The following SPATS2 variants were observed in gnomAD, a reference collection of about 807,000 sequenced individuals.
SPATS2 encodes spermatogenesis associated serine rich 2.
SPATS2 carries 38 observed loss-of-function variants against 63.7 expected under a neutral mutation model. That is an observed-to-expected ratio of 0.60 (90% CI 0.46 to 0.78). SPATS2 has a LOEUF of 0.78. Ranked by LOEUF, SPATS2 falls within the 30% of genes least tolerant of loss-of-function variation. The pLI, the probability that SPATS2 is intolerant of heterozygous loss-of-function variation, is 0.00. For missense variants in SPATS2, 588 were observed against 666.2 expected (o/e 0.88, Z 1.29); for synonymous variants, 207 against 232.9 (o/e 0.89, Z 1.01).
intron 3 of SPATS2, among the ~76,000 whole-genome samples, chr12:49,469,910 A>C (rs117110716): frequency 6.6e-6 from 1 of 152,072 alleles, no homozygotes; most frequent in African/African-American, 2.4e-5. Context: ...AGGAAAAAAC[A>C]TGCAACTCAA....
intron 2 of SPATS2, among the ~76,000 whole-genome samples, chr12:49,411,235 C>A (rs906002297): frequency 6.6e-6 from 1 of 152,132 alleles, no homozygotes; most frequent in South Asian, 2.1e-4. Context: ...TTAGCATACT[C>A]AGTCCTCTTG....
In SPATS2 at chr12:49,526,057, G is replaced by A. The variant is rs200722746; in HGVS notation, c.1440G>A (p.Ser480=). The A allele has an allele frequency of 2.5e-6, 4 of 1,614,224 alleles. No individual in the cohort carries two copies. Among genetic ancestry groups the A allele is most frequent in the East Asian group, 2.2e-5 (1 of 44,888 alleles). ...GTATGGGTCGTTACAGAAACAGCTC[G>A]TGGTATTCATCTGGTTCCAGGTATC... ...HDSMGRYRNS[S]WYSSGSRYQS... The change falls in exon 14 of 14, where the codon TCG becomes TCA. Residue 480 remains serine, a synonymous_variant. Transcript: ENST00000552918.
rs563731774 is a variant in SPATS2, at chr12:49,447,307, C to T, written c.-243-13463C>T. On this transcript the variant is annotated intron_variant, in intron 2 of 13. Transcript: ENST00000552918. Reference sequence around the variant, plus strand: ...AGGTTGGAGTGCAGTGGTGCAATCTCGGCTCACTGCAACCTCCGCCTCCTG... The same window carrying T: ...AGGTTGGAGTGCAGTGGTGCAATCTTGGCTCACTGCAACCTCCGCCTCCTG... 3.3e-3 allele frequency among the ~76,000 whole-genome samples: 500 copies of T among 151,986 alleles called. 3 individuals are homozygous for T. Among genetic ancestry groups the T allele is most frequent in the Non-Finnish European group, 5.0e-3 (339 of 67,988 alleles).
intron 2 of SPATS2, chr12:49,389,373 T>C (rs1310727030): frequency 1.9e-6 from 1 of 535,724 alleles, no homozygotes; most frequent in Non-Finnish European, 3.4e-6. Context: ...TCCGTCTGGT[T>C]CAGCGTCTGC....
chr12:49,443,334 T>C (rs1945457069), intron 2 of SPATS2, among the ~76,000 whole-genome samples: 1 of 152,232 alleles, frequency 6.6e-6, no homozygotes, highest in African/African-American at 2.4e-5. Flanking sequence ...GTTGAAAAGA[T>C]TATTCTTTCC....
intron 4 of SPATS2, among the ~76,000 whole-genome samples, chr12:49,487,082 T>C (rs1946307514): frequency 6.6e-6 from 1 of 152,222 alleles, no homozygotes; most frequent in Non-Finnish European, 1.5e-5. Context: ...TACAGTATAA[T>C]ATTACTACTA....
chr12:49,374,989 A>G, intron 2 of SPATS2, among the ~76,000 whole-genome samples: 1 of 143,156 alleles, frequency 7.0e-6, no homozygotes, highest in Non-Finnish European at 1.5e-5. Flanking sequence ...AAAAAAAGGC[A>G]TAGGTTGATT....
intron 2 of SPATS2, among the ~76,000 whole-genome samples, chr12:49,458,836 T>C (rs1004024933): frequency 1.3e-5 from 2 of 151,972 alleles, no homozygotes; most frequent in African/African-American, 4.8e-5. Context: ...TTTAGTAATA[T>C]AGAAAAACAG....
At chr12:49,504,020 A>G (rs543180349) in intron 9 of SPATS2, among the ~76,000 whole-genome samples, 18 of 152,154 alleles carry the variant, frequency 1.2e-4, no homozygotes, top group Admixed American at 9.8e-4. Flanking sequence ...GAGTTTATAA[A>G]CCACCTTATT....
At chr12:49,512,191 A>G (rs1297489652) in intron 9 of SPATS2, among the ~76,000 whole-genome samples, 2 of 152,190 alleles carry the variant, frequency 1.3e-5, no homozygotes, top group Non-Finnish European at 2.9e-5. Context: ...GTGCTGATCA[A>G]CCTTTTCTCT....
intron 9 of SPATS2, among the ~76,000 whole-genome samples, chr12:49,500,800 C>T (rs1946554224): frequency 6.6e-6 from 1 of 151,830 alleles, no homozygotes; most frequent in African/African-American, 2.4e-5. Flanking sequence ...AAAAAGTCTC[C>T]TTTTAAACTA....
intron 2 of SPATS2, among the ~76,000 whole-genome samples, chr12:49,448,116 A>G (rs146761599): frequency 6.8e-6 from 1 of 146,886 alleles, no homozygotes; most frequent in African/African-American, 2.5e-5. Context: ...ATAAATTTTG[A>G]TGTGTTATAT....
chr12:49,499,457 GGTTTT>G (rs1002005511), intron 8 of SPATS2, among the ~76,000 whole-genome samples: 4 of 151,128 alleles, frequency 2.6e-5, no homozygotes, highest in African/African-American at 9.7e-5. Context: ...GTGGTTCTTT[GGTTTT>G]GTTTTGTTTT....
intron 3 of SPATS2, among the ~76,000 whole-genome samples, chr12:49,476,163 A>AGT (rs1006514732): frequency 1.4e-4 from 22 of 152,144 alleles, no homozygotes; most frequent in African/African-American, 4.8e-4. Flanking sequence ...GAAGACACAC[A>AGT]GGTGGCTGGA....
intron 9 of SPATS2, among the ~76,000 whole-genome samples, chr12:49,511,208 A>C (rs1946748373): frequency 6.6e-6 from 1 of 152,160 alleles, no homozygotes; most frequent in Non-Finnish European, 1.5e-5. Flanking sequence ...AAAAAAAAAA[A>C]ACACATCTTA....
intron 2 of SPATS2, among the ~76,000 whole-genome samples, chr12:49,436,799 T>A (rs1253631027): frequency 2.6e-5 from 3 of 115,090 alleles, no homozygotes; most frequent in Non-Finnish European, 3.6e-5. Flanking sequence ...CACTTCCCAG[T>A]AGGGGCGGCC....
chr12:49,481,086 AAT>A (rs1946197854), intron 3 of SPATS2, among the ~76,000 whole-genome samples: 1 of 152,240 alleles, frequency 6.6e-6, no homozygotes, highest in African/African-American at 2.4e-5. Flanking sequence ...AGTATTTACA[AAT>A]ATGTCATTTG....
At chr12:49,438,806 A>G (rs1945363329) in intron 2 of SPATS2, among the ~76,000 whole-genome samples, 1 of 152,154 alleles carries the variant, frequency 6.6e-6, no homozygotes, top group South Asian at 2.1e-4. Context: ...TCATTCATTC[A>G]TTCATTCAGT....
intron 4 of SPATS2, chr12:49,486,320 C>T (rs1007832025): frequency 4.1e-5 from 17 of 419,042 alleles, no homozygotes; most frequent in African/African-American, 3.3e-4. Flanking sequence ...ATTCTCCTGC[C>T]TCAACCTCCC....
Sources: allele counts gnomAD v4.1 joint callset (sites outside exome capture counted in the v4.1 genomes callset), GRCh38; gene constraint gnomAD v4.1.1; transcripts MANE v1.5; gene names NCBI Gene and HGNC (gene_info 2026-07-23, HGNC 2026-07-21).